CFAP61: variants seen among roughly 807,000 people sequenced by gnomAD.
CFAP61 encodes cilia- and flagella-associated protein 61.
A neutral mutation model predicts 135.6 loss-of-function variants in CFAP61; 107 were observed. The observed-to-expected ratio is 0.79, with a 90% CI of 0.67 to 0.93. CFAP61 has a LOEUF of 0.93. CFAP61 is among the 40% of genes least tolerant of loss of function. The pLI is 0.00. For missense variants in CFAP61, 1,507 were observed against 1,556.2 expected (o/e 0.97, Z 0.53); for synonymous variants, 575 against 578.5 (o/e 0.99, Z 0.09).
chr20:20,240,757 A>G (rs951791056), intron 18 of CFAP61, among the ~76,000 whole-genome samples: 17 of 152,142 alleles, frequency 1.1e-4, no homozygotes, highest in African/African-American at 4.1e-4. Context: ...TTGAAAAACT[A>G]CATTTTCCAG....
intron 8 of CFAP61, among the ~76,000 whole-genome samples, chr20:20,099,377 A>G (rs1478749111): frequency 1.3e-5 from 2 of 152,150 alleles, no homozygotes; most frequent in Non-Finnish European, 2.9e-5. Context: ...GATTTTCACC[A>G]CGTTCAATTA....
At chr20:20,305,724 C>T (rs1278454679) in intron 25 of CFAP61, among the ~76,000 whole-genome samples, 1 of 152,214 alleles carries the variant, frequency 6.6e-6, no homozygotes, top group East Asian at 1.9e-4. Context: ...AAATGATTTG[C>T]TAAAAATCAA....
At chr20:20,333,117 T>C (rs2058059934) in intron 25 of CFAP61, among the ~76,000 whole-genome samples, 1 of 152,228 alleles carries the variant, frequency 6.6e-6, no homozygotes, top group Admixed American at 6.5e-5. Context: ...AACAAAAAAG[T>C]ATTTTAATAT....
chr20:20,242,668 G>A (rs62203185), intron 18 of CFAP61, among the ~76,000 whole-genome samples: 2,350 of 152,340 alleles, frequency 0.015, 28 homozygotes, highest in Non-Finnish European at 0.026. Flanking sequence ...CATAAATTGT[G>A]TAGAAGATTA....
At chr20:20,057,156 T>A (rs2044422251) in intron 2 of CFAP61, among the ~76,000 whole-genome samples, 1 of 151,102 alleles carries the variant, frequency 6.6e-6, no homozygotes, top group Non-Finnish European at 1.5e-5. Context: ...GTTCCTCAAT[T>A]TTATGACATG....
chr20:20,102,606 G>T (rs2048110243), intron 8 of CFAP61, among the ~76,000 whole-genome samples: 2 of 152,224 alleles, frequency 1.3e-5, no homozygotes, highest in South Asian at 4.1e-4. Context: ...GTACCCATTA[G>T]TTACTTTTCC....
At chr20:20,193,317 CTTCTCT>C (rs2056053720) in intron 15 of CFAP61, among the ~76,000 whole-genome samples, 3 of 152,028 alleles carry the variant, frequency 2.0e-5, no homozygotes, top group Non-Finnish European at 2.9e-5. Flanking sequence ...GGGAAATTTT[CTTCTCT>C]TTCTATCTTA....
At chr20:20,246,085 G>A in intron 18 of CFAP61, 32 bp from the exon 19 acceptor site, 1 of 1,405,544 alleles carries the variant, frequency 7.1e-7, no homozygotes, top group Non-Finnish European at 1.0e-6. Flanking sequence ...GCACTTAACT[G>A]CTTGTTCTTT....
At chr20:20,130,731 G>T (rs2050456378) in intron 8 of CFAP61, among the ~76,000 whole-genome samples, 1 of 151,758 alleles carries the variant, frequency 6.6e-6, no homozygotes, top group African/African-American at 2.4e-5. Context: ...GTGTGGGAAG[G>T]CTAGCTAGGG....
intron 2 of CFAP61, among the ~76,000 whole-genome samples, chr20:20,065,346 C>T (rs547238678): frequency 3.3e-5 from 5 of 151,772 alleles, no homozygotes; most frequent in African/African-American, 1.2e-4. Flanking sequence ...TTTCCTATCT[C>T]AGTAATTCCA....
At chr20:20,327,108 G>A (rs751985157) in intron 25 of CFAP61, among the ~76,000 whole-genome samples, 8 of 152,022 alleles carry the variant, frequency 5.3e-5, no homozygotes, top group Non-Finnish European at 1.0e-4. Flanking sequence ...GGTTTTGTAT[G>A]TTGCTCTTGT....
intron 8 of CFAP61, among the ~76,000 whole-genome samples, chr20:20,101,719 G>A (rs1004242276): frequency 1.4e-4 from 22 of 152,006 alleles, no homozygotes; most frequent in Admixed American, 1.3e-4. Context: ...TCTGCCTCCC[G>A]GGTTCAGGTG....
At chr20:20,132,838 A>G (rs145509381) in intron 8 of CFAP61, among the ~76,000 whole-genome samples, 1 of 151,892 alleles carries the variant, frequency 6.6e-6, no homozygotes, top group Non-Finnish European at 1.5e-5. Context: ...CTTACATGCC[A>G]TATTTTTTTC....
Position 20,164,035 on chromosome 20 carries a change from G to T in CFAP61, c.1027-15G>T. On this transcript the variant is annotated splice_polypyrimidine_tract_variant and intron_variant, in intron 10 of 26. Transcript: ENST00000245957. Reference sequence around the variant, plus strand: ...GACAGGATTCTCATTGGCTCCTCCTGTCTCCTTGCTCTAGGACATAGAAAA... The same window carrying T: ...GACAGGATTCTCATTGGCTCCTCCTTTCTCCTTGCTCTAGGACATAGAAAA... 6.3e-7 allele frequency: 1 copy of T among 1,586,740 alleles called. No homozygotes were observed. Among genetic ancestry groups the T allele is most frequent in the Non-Finnish European group, 8.6e-7 (1 of 1,164,444 alleles).
At chr20:20,246,623 A>C (rs2050477705) in intron 19 of CFAP61, among the ~76,000 whole-genome samples, 1 of 152,226 alleles carries the variant, frequency 6.6e-6, no homozygotes, top group African/African-American at 2.4e-5. Context: ...CAGGCAAAGA[A>C]CTTCCATGCC....
At chr20:20,226,686 G>T (rs1182139638) in intron 17 of CFAP61, among the ~76,000 whole-genome samples, 2 of 152,128 alleles carry the variant, frequency 1.3e-5, no homozygotes, top group Non-Finnish European at 2.9e-5. Flanking sequence ...TTTACACCAC[G>T]TGCCATCTAG....
intron 8 of CFAP61, among the ~76,000 whole-genome samples, chr20:20,127,157 T>A (rs1398798650): frequency 6.6e-6 from 1 of 151,812 alleles, no homozygotes; most frequent in Non-Finnish European, 1.5e-5. Context: ...GCATTGGGCT[T>A]CGCCTTTCTC....
Position 20,359,712 on chromosome 20 carries a change from A to G in CFAP61, c.3514-498A>G, listed in dbSNP as rs2059406541. Among the ~76,000 whole-genome samples the G allele has an allele frequency of 6.6e-6, 1 of 151,934 alleles. No homozygotes were observed. The highest frequency in any genetic ancestry group is 2.4e-5 in the African/African-American group (1 of 41,356). ...AACAACAACAAAACAAGTATGATCT[A>G]CAGATGATTTTTATCTGAAAATGAA... On this transcript the variant is annotated intron_variant, in intron 26 of 26. Coordinates refer to ENST00000245957, the MANE Select transcript of CFAP61 (RefSeq NM_015585.4). The surrounding 1 kb of genome is among the most constrained non-coding windows in gnomAD (Gnocchi z 4.0).
At chr20:20,309,837 A>T (rs368431370) in intron 25 of CFAP61, among the ~76,000 whole-genome samples, 3 of 16,024 alleles carry the variant, frequency 1.9e-4, no homozygotes, top group Admixed American at 7.5e-4. Flanking sequence ...TTTATCTTTA[A>T]AAAAAAAACA....
Sources: allele counts gnomAD v4.1 joint callset (sites outside exome capture counted in the v4.1 genomes callset), GRCh38; gene constraint gnomAD v4.1.1; non-coding constraint Gnocchi (gnomAD v3.1); transcripts MANE v1.5; gene names NCBI Gene and HGNC (gene_info 2026-07-23, HGNC 2026-07-21).